Variants in NRG3 observed in about 807,000 individuals in gnomAD.
NRG3 encodes pro-neuregulin-3, membrane-bound isoform.
A neutral mutation model predicts 66.9 loss-of-function variants in NRG3; 31 were observed. That is an observed-to-expected ratio of 0.46 (90% CI 0.35 to 0.63). NRG3 has a LOEUF of 0.63. Among genes scored for constraint, NRG3 ranks in the 20% least tolerant of loss-of-function variants. The probability of loss-of-function intolerance (pLI) is 0.00; values close to 1 mark genes in which losing one functional copy is unlikely to be tolerated. For synonymous variants in NRG3, 393 were observed against 359.4 expected (o/e 1.09, Z -1.06); for missense variants, 910 against 878.9 (o/e 1.04, Z -0.45).
rs536668273 is a variant in NRG3, at chr10:82,846,863, T to A, written c.1028-18548T>A. 4.1e-3 allele frequency among the ~76,000 whole-genome samples: 622 copies of A among 152,310 alleles called. 4 individuals carry two copies. The highest frequency in any genetic ancestry group is 6.8e-3 in the Middle Eastern group (2 of 294). Reference sequence around the variant, plus strand: ...ACATAGAATATACAAAATACGCACCTACTATGAGCGAGATTGTGCTTGTGC... The same window carrying A: ...ACATAGAATATACAAAATACGCACCAACTATGAGCGAGATTGTGCTTGTGC... On this transcript the variant is annotated intron_variant, in intron 3 of 8. Transcript: ENST00000372141.
chr10:82,796,012 C>T (rs543824997), intron 3 of NRG3, among the ~76,000 whole-genome samples: 3 of 152,044 alleles, frequency 2.0e-5, no homozygotes, highest in Non-Finnish European at 1.5e-5. Context: ...CTTTACCAAT[C>T]GATTCATATT....
At chr10:82,209,345 A>ACT (rs66897277) in intron 1 of NRG3, among the ~76,000 whole-genome samples, 76,897 of 151,660 alleles carry the variant, frequency 0.51, 20,478 homozygotes, top group Non-Finnish European at 0.6. Context: ...TACATATTAC[A>ACT]CTCTCTCTCT....
At chr10:82,558,545 C>T (rs1484332878) in intron 2 of NRG3, among the ~76,000 whole-genome samples, 2 of 152,072 alleles carry the variant, frequency 1.3e-5, no homozygotes, top group Non-Finnish European at 2.9e-5. Flanking sequence ...TGAGGGGGTT[C>T]CTCGATTGCA....
intron 4 of NRG3, among the ~76,000 whole-genome samples, chr10:82,909,957 A>G (rs1845164754): frequency 1.3e-5 from 2 of 152,226 alleles, no homozygotes; most frequent in African/African-American, 4.8e-5. Context: ...TTCTATGCTG[A>G]AAGTGATAAA....
chr10:82,115,745 G>C (rs953346931), intron 1 of NRG3, among the ~76,000 whole-genome samples: 6 of 152,090 alleles, frequency 3.9e-5, no homozygotes, highest in Non-Finnish European at 8.8e-5. Context: ...TCCTGTTATA[G>C]AAAAGTTCTT....
chr10:82,176,634 A>C (rs933262148), intron 1 of NRG3, among the ~76,000 whole-genome samples: 4 of 152,042 alleles, frequency 2.6e-5, no homozygotes, highest in African/African-American at 9.7e-5. Context: ...AATGCTGTAG[A>C]GTTGCCTGTA....
At chr10:81,887,101 ATTG>A (rs1435875743) in intron 1 of NRG3, among the ~76,000 whole-genome samples, 4 of 152,036 alleles carry the variant, frequency 2.6e-5, no homozygotes, top group Non-Finnish European at 4.4e-5. Context: ...TTCTGTGAAG[ATTG>A]TTTTTTCTTT....
chr10:82,523,808 G>T (rs769085695), intron 2 of NRG3, among the ~76,000 whole-genome samples: 9 of 152,018 alleles, frequency 5.9e-5, no homozygotes, highest in Non-Finnish European at 1.2e-4. Flanking sequence ...AAGGAATTTT[G>T]CTTTCCTCCT....
chr10:82,670,403 CAG>C (rs1182270714), intron 2 of NRG3, among the ~76,000 whole-genome samples: 5 of 152,186 alleles, frequency 3.3e-5, no homozygotes, highest in Non-Finnish European at 5.9e-5. Flanking sequence ...AGTAAATTAT[CAG>C]AGACTTGATA....
At chr10:82,330,825 C>G (rs1295549154) in intron 1 of NRG3, among the ~76,000 whole-genome samples, 1 of 152,124 alleles carries the variant, frequency 6.6e-6, no homozygotes, top group Admixed American at 6.5e-5. Flanking sequence ...TTTAAATTGG[C>G]ATTGCTGATG....
At chr10:82,565,492 T>C (rs929214437) in intron 2 of NRG3, among the ~76,000 whole-genome samples, 16 of 152,226 alleles carry the variant, frequency 1.1e-4, no homozygotes, top group Admixed American at 8.5e-4. Flanking sequence ...ACTTTCATCC[T>C]TCAATCCCCA....
intron 2 of NRG3, among the ~76,000 whole-genome samples, chr10:82,415,154 A>G (rs550151955): frequency 6.6e-6 from 1 of 152,294 alleles, no homozygotes; most frequent in African/African-American, 2.4e-5. Flanking sequence ...TGAGTTGCAG[A>G]TACTGCTGGA....
At chr10:82,483,616 A>G (rs1386116635) in intron 2 of NRG3, among the ~76,000 whole-genome samples, 2 of 152,208 alleles carry the variant, frequency 1.3e-5, no homozygotes, top group Admixed American at 1.3e-4. Context: ...CATTTCACAC[A>G]CAAACACACA....
chr10:82,282,893 T>C (rs1589582880), intron 1 of NRG3, among the ~76,000 whole-genome samples: 1 of 152,190 alleles, frequency 6.6e-6, no homozygotes, highest in East Asian at 2.0e-4. Flanking sequence ...AAGAAACACC[T>C]GCAGAGGAGA....
At chr10:82,712,895 G>A (rs1033753708) in intron 2 of NRG3, among the ~76,000 whole-genome samples, 6 of 151,928 alleles carry the variant, frequency 3.9e-5, no homozygotes, top group Admixed American at 2.6e-4. Context: ...CAAGACAGAC[G>A]GATCAGTTGA....
At chr10:82,097,369 T>TCAC (rs113103773) in intron 1 of NRG3, among the ~76,000 whole-genome samples, 1 of 141,030 alleles carries the variant, frequency 7.1e-6, no homozygotes, top group Non-Finnish European at 1.5e-5. Flanking sequence ...TCCAGATGGT[T>TCAC]ACACACACAC....
intron 3 of NRG3, among the ~76,000 whole-genome samples, chr10:82,784,854 G>A (rs1290180960): frequency 6.6e-6 from 1 of 151,956 alleles, no homozygotes; most frequent in African/African-American, 2.4e-5. Context: ...CCCATTACTG[G>A]GTATATACCC....
intron 1 of NRG3, among the ~76,000 whole-genome samples, chr10:81,910,336 A>G (rs1296880265): frequency 3.3e-5 from 5 of 152,184 alleles, no homozygotes; most frequent in African/African-American, 1.2e-4. Context: ...GCAAACCCCC[A>G]AATCCCTTTG....
chr10:82,348,135 G>A (rs898064074), intron 1 of NRG3, among the ~76,000 whole-genome samples: 21 of 151,856 alleles, frequency 1.4e-4, no homozygotes, highest in Non-Finnish European at 2.1e-4. Context: ...TATTTTGCTC[G>A]TTAGTTGATG....
Sources: allele counts gnomAD v4.1 joint callset (sites outside exome capture counted in the v4.1 genomes callset), GRCh38; gene constraint gnomAD v4.1.1; transcripts MANE v1.5; gene names NCBI Gene and HGNC (gene_info 2026-07-23, HGNC 2026-07-21).